Variants in C21orf58 observed in about 807,000 individuals in gnomAD.
C21orf58 encodes chromosome 21 open reading frame 58.
Under a neutral mutation model 35.8 loss-of-function variants are expected in C21orf58, and 34 were observed. The ratio of observed to expected loss-of-function variants is 0.95; its 90% CI spans 0.72 to 1.26. The LOEUF (loss-of-function observed/expected upper bound fraction) is 1.26. Among genes scored for constraint, C21orf58 ranks in the 50% most tolerant of loss-of-function variants. C21orf58 has a pLI of 0.00. For synonymous variants in C21orf58, 191 were observed against 175.8 expected (o/e 1.09, Z -0.68); for missense variants, 440 against 414.3 (o/e 1.06, Z -0.54).
intron 3 of C21orf58, among the ~76,000 whole-genome samples, chr21:46,316,623 G>C (rs770586971): frequency 6.6e-6 from 1 of 152,180 alleles, no homozygotes; most frequent in East Asian, 1.9e-4. Flanking sequence ...CCAGCCCTTG[G>C]GGGGGTCCCC....
intron 1 of C21orf58, among the ~76,000 whole-genome samples, chr21:46,320,994 A>G (rs2083136169): frequency 6.6e-6 from 1 of 152,166 alleles, no homozygotes; most frequent in South Asian, 2.1e-4. Flanking sequence ...CTCTAGTAGT[A>G]TACATAACAT....
At chr21:46,301,042 C>G (rs1432163093), downstream of C21orf58, 1 of 1,036,442 alleles carries the variant, frequency 9.6e-7, no homozygotes, top group African/African-American at 1.7e-5. Flanking sequence ...GCTGTGCAAA[C>G]CAGCATGTAG....
intron 5 of C21orf58, among the ~76,000 whole-genome samples, chr21:46,312,623 G>T: frequency 6.6e-6 from 1 of 152,192 alleles, no homozygotes; most frequent in East Asian, 1.9e-4. Context: ...GGCCACCTTG[G>T]CCTCCCAAAG....
chr21:46,300,539 A>T, downstream of C21orf58: 5 of 621,526 alleles, frequency 8.0e-6, no homozygotes, highest in Non-Finnish European at 4.3e-6. Context: ...GAGAGCACAG[A>T]GTCTCTGGAA....
At chr21:46,320,168 T>C (rs1050148247) in intron 1 of C21orf58, among the ~76,000 whole-genome samples, 1 of 151,566 alleles carries the variant, frequency 6.6e-6, no homozygotes, top group Non-Finnish European at 1.5e-5. Flanking sequence ...GGTGGAGCCA[T>C]CTCAGCTCAC....
intron 1 of C21orf58, chr21:46,318,650 G>A (rs2083062005): frequency 1.9e-6 from 2 of 1,078,954 alleles, no homozygotes; most frequent in Admixed American, 4.8e-5. Flanking sequence ...TGGGAGGACA[G>A]GGTGAGGAGA....
At position 46,314,782 on chromosome 21, in the gene C21orf58, C is replaced by T. The variant is rs111338441; in HGVS notation, c.543G>A (p.Thr181=). The change falls in exon 5 of 8, where the codon ACG becomes ACA. Residue 181 remains threonine, a synonymous_variant. Transcript: ENST00000291691. The part of the protein sequence containing the change: ...GSALPPELPP[T]GILPTASPSP... ...ATGGGGAGGCAGTGGGTAGGATGCC[C>T]GTGGGGGGCAGCTCTGGGGGCAGGG... 3.0e-5 allele frequency: 46 copies of T among 1,528,570 alleles called. No individual in the cohort carries two copies. The African/African-American group carries it at 4.3e-4, about 14-fold the overall frequency. 94.7% of individuals were successfully genotyped at this position (1,528,570 alleles called of 1,614,324 possible). A position where few individuals can be genotyped will look rare whatever the true frequency, so the allele number is the denominator to read the frequency against.
rs2082342558 is a variant in C21orf58 at position 46,304,872 on chromosome 21, A to T, written c.722-2296T>A. Among the ~76,000 whole-genome samples the T allele has an allele frequency of 5.3e-5, 8 of 152,358 alleles. No individual in the cohort carries two copies. The South Asian group carries it at 1.7e-3, about 32-fold the overall frequency. On this transcript the variant is annotated intron_variant, in intron 6 of 7. Transcript: ENST00000291691. Reference sequence around the variant, plus strand: ...GGCAGAAATGTGGTCTATCCATACAATGGACTGTTACTCATCTGTGACCTG... The same window carrying T: ...GGCAGAAATGTGGTCTATCCATACATTGGACTGTTACTCATCTGTGACCTG...
Position 46,322,810 on chromosome 21 carries a change from G to A in C21orf58, c.-72C>T. On this transcript the variant is annotated 5_prime_UTR_variant, in exon 1 of 8. Coordinates refer to ENST00000291691, the MANE Select transcript of C21orf58 (RefSeq NM_058180.5). Reference sequence around the variant, plus strand: ...AAAAAATTCTGAGCGAGATTCCAGGGCTTCCTGAGGGCGCGTTTAAGTTGC... The same window carrying A: ...AAAAAATTCTGAGCGAGATTCCAGGACTTCCTGAGGGCGCGTTTAAGTTGC... 1 of 1,065,832 alleles carries A rather than the reference G, an allele frequency of 9.4e-7. No individual in the cohort carries two copies. The highest frequency in any genetic ancestry group is 1.3e-6 in the Non-Finnish European group (1 of 792,690). 66.0% of individuals were successfully genotyped at this position (1,065,832 alleles called of 1,614,324 possible).
chr21:46,319,058 G>A (rs1199184487), intron 1 of C21orf58: 1 of 153,234 alleles, frequency 6.5e-6, no homozygotes, highest in Non-Finnish European at 1.4e-5. Context: ...CCTCAGTTCT[G>A]TAAATGGCCC....
At chr21:46,314,903 C>G (rs2082910479) in intron 4 of C21orf58, 23 bp from the exon 5 acceptor site, 1 of 1,550,304 alleles carries the variant, frequency 6.5e-7, no homozygotes, top group Non-Finnish European at 8.7e-7. Context: ...TGCAGAGCTG[C>G]TGCACACGGG....
In C21orf58 at chr21:46,317,265, G is replaced by C. The variant is rs760097500; in HGVS notation, c.313C>G (p.Leu105Val). 3 of 1,611,448 alleles carry C rather than the reference G, an allele frequency of 1.9e-6. No homozygotes were observed. The highest frequency in any genetic ancestry group is 2.5e-6 in the Non-Finnish European group (3 of 1,179,434). ...TCCACGTTCTGCCGTTCTTGCTCCA[G>C]CTTCTGTGAGGAAGAGAGACCGTGA... ...RLTLKLLGQK[L>V]EQERQNVEGG... The change falls in exon 3 of 8, where the codon CTG (leucine) becomes GTG (valine). Residue 105 changes from leucine to valine, a missense_variant. Transcript: ENST00000291691.
At chr21:46,311,381 C>A in intron 6 of C21orf58, 75 bp downstream of exon 6, 1 of 846,460 alleles carries the variant, frequency 1.2e-6, no homozygotes, top group Non-Finnish European at 1.8e-6. Context: ...AAGTGACTGT[C>A]CTGCTTCCAG....
chr21:46,303,572 C>G (rs2082220847), intron 6 of C21orf58, among the ~76,000 whole-genome samples: 1 of 149,706 alleles, frequency 6.7e-6, no homozygotes, highest in African/African-American at 2.5e-5. Flanking sequence ...GCCAATAAGG[C>G]CAGGCACGGT....
intron 6 of C21orf58, among the ~76,000 whole-genome samples, chr21:46,304,148 T>G (rs2082311691): frequency 7.0e-6 from 1 of 143,424 alleles, no homozygotes; most frequent in African/African-American, 2.6e-5. Context: ...CACCTTAGCC[T>G]CCTGAGTAGC....
chr21:46,321,962 G>A (rs2083175310), intron 1 of C21orf58, among the ~76,000 whole-genome samples: 1 of 145,190 alleles, frequency 6.9e-6, no homozygotes, highest in African/African-American at 2.6e-5. Flanking sequence ...GGAGTGCAGT[G>A]GTTGCCTGGC....
intron 1 of C21orf58, 182 bp from the exon 2 acceptor site, chr21:46,318,402 GC>G: frequency 7.0e-7 from 1 of 1,432,700 alleles, no homozygotes; most frequent in Non-Finnish European, 9.1e-7. Flanking sequence ...CCCAGGTGTG[GC>G]CAGCTGGGCT....
chr21:46,322,830 A>T lies in C21orf58; in HGVS notation c.-92T>A. 6 of 846,156 alleles carry T rather than the reference A, an allele frequency of 7.1e-6. No individual in the cohort carries two copies. The highest frequency in any genetic ancestry group is 1.0e-5 in the Non-Finnish European group (6 of 596,748). 52.4% of individuals were successfully genotyped at this position (846,156 alleles called of 1,614,324 possible). On this transcript the variant is annotated 5_prime_UTR_variant, in exon 1 of 8. Transcript: ENST00000291691. Reference sequence around the variant, plus strand: ...CCAGGGCTTCCTGAGGGCGCGTTTAAGTTGCAGTTGCTGAGGAGGCTGCAA... The same window carrying T: ...CCAGGGCTTCCTGAGGGCGCGTTTATGTTGCAGTTGCTGAGGAGGCTGCAA...
intron 1 of C21orf58, among the ~76,000 whole-genome samples, chr21:46,322,018 G>C (rs2083177318): frequency 6.6e-6 from 1 of 151,662 alleles, no homozygotes; most frequent in African/African-American, 2.4e-5. Context: ...GCTGGGCGAG[G>C]TTGCTCATGC....
Sources: gnomAD v4.1 joint callset for allele counts (sites outside exome capture counted in the v4.1 genomes callset) on GRCh38, gnomAD v4.1.1 for gene constraint, MANE v1.5 for transcripts, NCBI Gene and HGNC (gene_info 2026-07-23, HGNC 2026-07-21) for gene names.